NETO2: variants seen among roughly 807,000 people sequenced by gnomAD.
NETO2 encodes neuropilin and tolloid like 2.
In NETO2, 28 loss-of-function variants were observed where a neutral mutation model predicts 62.5. That is an observed-to-expected ratio of 0.45 (90% CI 0.33 to 0.61). The LOEUF (loss-of-function observed/expected upper bound fraction) is 0.61. Among genes scored for constraint, NETO2 ranks in the 20% least tolerant of loss-of-function variants. The pLI, the probability that NETO2 is intolerant of heterozygous loss-of-function variation, is 0.02. For missense variants in NETO2, 548 were observed against 643.2 expected, an observed-to-expected ratio of 0.85 and a Z score of 1.60; for synonymous variants, 214 against 219.1, an observed-to-expected ratio of 0.98 and a Z score of 0.21.
intron 7 of NETO2, among the ~76,000 whole-genome samples, chr16:47,100,624 AT>A (rs1371739069): frequency 1.3e-5 from 2 of 152,200 alleles, no homozygotes; most frequent in Non-Finnish European, 2.9e-5. Context: ...AGGAGATATA[AT>A]CACTGATCCC....
chr16:47,132,009 TACTGTTATTAACAAC>T lies in NETO2; in HGVS notation c.36_50del (p.Leu14_Leu18del). Reference sequence around the variant, plus strand: ...CCACGGCAATCCCTTCCACTACCAGTACTGTTATTAACAACACTAGAGAAATAACAGAGAAGAAAA... The same window carrying T: ...CCACGGCAATCCCTTCCACTACCAGTACTAGAGAAATAACAGAGAAGAAAA... On this transcript the variant is annotated inframe_deletion and splice_region_variant, in exon 2 of 9. Transcript: ENST00000562435. 1 of 1,612,352 alleles carries T rather than the reference TACTGTTATTAACAAC, an allele frequency of 6.2e-7. No homozygotes were observed. Among genetic ancestry groups the T allele is most frequent in the Non-Finnish European group, 8.5e-7 (1 of 1,178,664 alleles).
At position 47,132,028 on chromosome 16, in the gene NETO2, A is replaced by G. The variant is rs2151491933; in HGVS notation, c.35-3T>C. The stretch of plus-strand genomic sequence containing the variant: ...TACCAGTACTGTTATTAACAACACT[A>G]GAGAAATAACAGAGAAGAAAAGTTA... On this transcript the variant is annotated splice_region_variant and splice_polypyrimidine_tract_variant and intron_variant, in intron 1 of 8. Transcript: ENST00000562435. 2 of 1,608,900 alleles carry G rather than the reference A, an allele frequency of 1.2e-6. No individual in the cohort carries two copies. The highest frequency in any genetic ancestry group is 1.1e-5 in the South Asian group (1 of 90,774).
intron 7 of NETO2, among the ~76,000 whole-genome samples, chr16:47,108,200 GTTAA>G (rs1963713801): frequency 6.6e-6 from 1 of 152,170 alleles, no homozygotes; most frequent in Non-Finnish European, 1.5e-5. Flanking sequence ...ACAGCAGAAT[GTTAA>G]TTAATGTATA....
intron 1 of NETO2, among the ~76,000 whole-genome samples, chr16:47,143,133 G>A (rs1288080424): frequency 6.6e-6 from 1 of 152,108 alleles, no homozygotes; most frequent in Admixed American, 6.5e-5. Context: ...ACTGCACGAC[G>A]TCACGGCCGC....
intron 8 of NETO2, among the ~76,000 whole-genome samples, chr16:47,085,527 G>A (rs563739915): frequency 6.6e-5 from 10 of 152,006 alleles, no homozygotes; most frequent in South Asian, 2.1e-4. Flanking sequence ...GATTACAGGC[G>A]CGTGCCACCA....
rs529257562 is a variant in NETO2 at position 47,106,876 on chromosome 16, G to C, written c.883+2607C>G. On this transcript the variant is annotated intron_variant, in intron 7 of 8. Transcript: ENST00000562435. The stretch of plus-strand genomic sequence containing the variant: ...AGATCACTGCAACCTCCACCTCCCA[G>C]TTTCAAGCAATTTTCATGCCTCACC... Among the ~76,000 whole-genome samples, 43 of 151,830 alleles carry C rather than the reference G, an allele frequency of 2.8e-4. No individual in the cohort carries two copies. The Middle Eastern group carries it at 0.017, about 60-fold the overall frequency.
chr16:47,127,434 TACACAC>T (rs369841840), intron 4 of NETO2, among the ~76,000 whole-genome samples: 3 of 151,456 alleles, frequency 2.0e-5, no homozygotes, highest in Non-Finnish European at 4.4e-5. Flanking sequence ...TATGTATCTA[TACACAC>T]ACACACACAC....
At chr16:47,135,806 A>C (rs1220332142) in intron 1 of NETO2, among the ~76,000 whole-genome samples, 1 of 152,202 alleles carries the variant, frequency 6.6e-6, no homozygotes, top group Non-Finnish European at 1.5e-5. Context: ...AATAGTGGCA[A>C]TTCTAGTGAA....
At position 47,079,170 on chromosome 16, in the gene NETO2, A is replaced by G. The variant is rs1238089276; in HGVS notation, c.*4051T>C. On this transcript the variant is annotated 3_prime_UTR_variant, in exon 9 of 9. Coordinates refer to ENST00000562435, the MANE Select transcript of NETO2 (RefSeq NM_018092.5). The stretch of plus-strand genomic sequence containing the variant: ...GTGGCGGGCGCCTGTAGTCCCAGCT[A>G]CTCGAGAGGCTGAGACAGGAGAATG... 1.3e-5 allele frequency: 2 copies of G among 151,122 alleles called. No homozygotes were observed. The highest frequency in any genetic ancestry group is 3.9e-4 in the East Asian group (2 of 5,142). The allele number at this position is 151,122 out of a possible 1,614,324, so 9.4% of individuals were successfully genotyped here.
chr16:47,123,880 G>C (rs1964095668), intron 4 of NETO2, among the ~76,000 whole-genome samples: 1 of 152,112 alleles, frequency 6.6e-6, no homozygotes, highest in African/African-American at 2.4e-5. Context: ...TATATTTTTA[G>C]TAGAGGCAGA....
At chr16:47,137,622 T>C (rs1964384508) in intron 1 of NETO2, among the ~76,000 whole-genome samples, 1 of 152,192 alleles carries the variant, frequency 6.6e-6, no homozygotes, top group South Asian at 2.1e-4. Flanking sequence ...GCCAGGGACC[T>C]TGGACCTCTT....
At chr16:47,098,857 A>G (rs539565672) in intron 7 of NETO2, among the ~76,000 whole-genome samples, 1 of 152,228 alleles carries the variant, frequency 6.6e-6, no homozygotes, top group African/African-American at 2.4e-5. Flanking sequence ...GCCACAAGAG[A>G]GTGGGGGCCA....
chr16:47,089,849 ATTT>A (rs1963276389), intron 7 of NETO2, among the ~76,000 whole-genome samples: 1 of 152,170 alleles, frequency 6.6e-6, no homozygotes, highest in African/African-American at 2.4e-5. Flanking sequence ...AGCATTTTTG[ATTT>A]CCTCATTTCT....
chr16:47,098,270 AG>A (rs1344096880), intron 7 of NETO2, among the ~76,000 whole-genome samples: 1 of 152,198 alleles, frequency 6.6e-6, no homozygotes, highest in Non-Finnish European at 1.5e-5. Context: ...AAGGAAGCTA[AG>A]AACCTTGAAA....
intron 6 of NETO2, 146 bp from the exon 7 acceptor site, chr16:47,109,857 G>C (rs1963755959): frequency 5.0e-6 from 3 of 604,812 alleles, no homozygotes; most frequent in Non-Finnish European, 8.7e-6. Flanking sequence ...TAAATAGTGA[G>C]AGGAACTAAG....
chr16:47,122,830 C>G (rs1037036398), intron 5 of NETO2, 38 bp downstream of exon 5: 1 of 1,613,310 alleles, frequency 6.2e-7, no homozygotes, highest in African/African-American at 1.3e-5. Context: ...TAAGACTAAT[C>G]AAAAATGCCA....
At chr16:47,113,749 G>A (rs1963851706) in intron 6 of NETO2, among the ~76,000 whole-genome samples, 1 of 151,578 alleles carries the variant, frequency 6.6e-6, no homozygotes, top group Non-Finnish European at 1.5e-5. Flanking sequence ...CTGCCACCAG[G>A]CCCGGCTAAT....
At chr16:47,101,332 T>C (rs1963538525) in intron 7 of NETO2, among the ~76,000 whole-genome samples, 1 of 152,208 alleles carries the variant, frequency 6.6e-6, no homozygotes, top group Non-Finnish European at 1.5e-5. Flanking sequence ...AATATCATAC[T>C]GAATGGGCAA....
At chr16:47,117,305 T>C (rs1004219081) in intron 6 of NETO2, among the ~76,000 whole-genome samples, 5 of 152,232 alleles carry the variant, frequency 3.3e-5, no homozygotes, top group Non-Finnish European at 5.9e-5. Context: ...TCTCAATCTT[T>C]GATTTCAAGT....
Sources: allele counts gnomAD v4.1 joint callset (sites outside exome capture counted in the v4.1 genomes callset), GRCh38; gene constraint gnomAD v4.1.1; transcripts MANE v1.5; gene names NCBI Gene and HGNC (gene_info 2026-07-23, HGNC 2026-07-21).